PTPRR: variants seen among roughly 807,000 people sequenced by gnomAD.
The protein encoded by PTPRR is receptor-type tyrosine-protein phosphatase R.
PTPRR carries 38 observed loss-of-function variants against 77.2 expected under a neutral mutation model. The observed-to-expected ratio is 0.49, with a 90% confidence interval of 0.38 to 0.65. The LOEUF (loss-of-function observed/expected upper bound fraction) is 0.65. PTPRR is among the 30% of genes least tolerant of loss of function. The pLI, the probability that PTPRR is intolerant of heterozygous loss-of-function variation, is 0.00. For synonymous variants in PTPRR, 299 were observed against 283.1 expected, an observed-to-expected ratio of 1.06 and a Z score of -0.57; for missense variants, 744 against 799.2, an observed-to-expected ratio of 0.93 and a Z score of 0.83.
intron 2 of PTPRR, among the ~76,000 whole-genome samples, chr12:70,872,124 GT>G (rs910481857): frequency 6.0e-5 from 9 of 151,106 alleles, no homozygotes; most frequent in South Asian, 2.1e-4. Flanking sequence ...GCCACATTTA[GT>G]TTTTTTTTCT....
At chr12:70,769,534 T>C (rs1018474935) in intron 2 of PTPRR, among the ~76,000 whole-genome samples, 9 of 152,136 alleles carry the variant, frequency 5.9e-5, no homozygotes, top group Non-Finnish European at 8.8e-5. Flanking sequence ...TGGAAGAACA[T>C]TCCATGCTCA....
rs1318367624 is a variant in PTPRR at position 70,745,800 on chromosome 12, T to C, written c.1007+18A>G. ...TTTATAAAAAGCCACACGTAGGGTA[T>C]ACAGAACAAGCTCTTACCTCTCTTG... On this transcript the variant is annotated intron_variant, in intron 6 of 13. Coordinates refer to ENST00000283228, the MANE Select transcript of PTPRR (RefSeq NM_002849.4). The C allele has an allele frequency of 1.2e-6, 2 of 1,612,128 alleles. No homozygotes were observed. The highest frequency in any genetic ancestry group is 1.1e-5 in the South Asian group (1 of 90,856).
Position 70,638,522 on chromosome 12 carries a change from A to G in PTPRR, c.*662T>C, listed in dbSNP as rs948959029. The G allele has an allele frequency of 2.0e-5, 3 of 152,662 alleles. No homozygotes were observed. Among genetic ancestry groups the G allele is most frequent in the African/African-American group, 7.2e-5 (3 of 41,462 alleles). The allele number at this position is 152,662 out of a possible 1,614,324, so 9.5% of individuals were successfully genotyped here. On this transcript the variant is annotated 3_prime_UTR_variant, in exon 14 of 14. Transcript: ENST00000283228. ...TAGAGAGTAAATACATATATACCCA[A>G]TGACAATCATTGTGCTCTGTAATTG...
In PTPRR at chr12:70,894,776, C is replaced by T. The variant is rs558862901; in HGVS notation, c.59-1799G>A. The stretch of plus-strand genomic sequence containing the variant: ...TTAATGAGAGTTTCATTTCCAAATC[C>T]GAGGAACTCATTTAATATGGAGAAA... On this transcript the variant is annotated intron_variant, in intron 1 of 13. Transcript: ENST00000283228. Among the ~76,000 whole-genome samples, 7 of 151,628 alleles carry T rather than the reference C, an allele frequency of 4.6e-5. No individual in the cohort carries two copies. The East Asian group carries it at 9.7e-4, about 21-fold the overall frequency.
chr12:70,675,788 T>C (rs74101543), intron 10 of PTPRR, among the ~76,000 whole-genome samples: 1,782 of 152,040 alleles, frequency 0.012, 37 homozygotes, highest in African/African-American at 0.04. Context: ...CCCTGTAGGA[T>C]AGATTTGTTG....
intron 4 of PTPRR, among the ~76,000 whole-genome samples, chr12:70,761,242 G>T (rs554554189): frequency 6.6e-6 from 1 of 152,244 alleles, no homozygotes; most frequent in African/African-American, 2.4e-5. Context: ...GGCCACAAAG[G>T]TTTGAAGAAG....
chr12:70,769,124 A>G (rs969201168), intron 2 of PTPRR, among the ~76,000 whole-genome samples: 2 of 136,632 alleles, frequency 1.5e-5, no homozygotes, highest in Non-Finnish European at 3.1e-5. Flanking sequence ...CTCTCTCACC[A>G]CTCCTATTCA....
At chr12:70,779,166 C>CTTTT (rs71899092) in intron 2 of PTPRR, among the ~76,000 whole-genome samples, 3 of 143,452 alleles carry the variant, frequency 2.1e-5, no homozygotes, top group Non-Finnish European at 4.6e-5. Flanking sequence ...ATTTTTAAAT[C>CTTTT]TTTTTTTTTT....
chr12:70,760,353 A>G (rs892871788), intron 4 of PTPRR, among the ~76,000 whole-genome samples: 1 of 152,180 alleles, frequency 6.6e-6, no homozygotes, highest in Non-Finnish European at 1.5e-5. Context: ...GGTGCAAGTG[A>G]TCCTGCTGCC....
intron 10 of PTPRR, chr12:70,672,660 C>T: frequency 6.5e-7 from 1 of 1,545,414 alleles, no homozygotes. Flanking sequence ...AGAGCAACAA[C>T]ACCAACCAGA....
intron 6 of PTPRR, among the ~76,000 whole-genome samples, chr12:70,702,380 A>T (rs1888459534): frequency 6.6e-6 from 1 of 152,102 alleles, no homozygotes; most frequent in Non-Finnish European, 1.5e-5. Context: ...CAGATCAAAT[A>T]TAGTGCCAAG....
rs184228754 is a variant in PTPRR at position 70,716,530 on chromosome 12, A to C, written c.1008-15207T>G. Among the ~76,000 whole-genome samples the C allele has an allele frequency of 3.9e-5, 6 of 152,264 alleles. No individual in the cohort carries two copies. In the East Asian group the frequency reaches 1.2e-3, roughly 29 times the overall value. On this transcript the variant is annotated intron_variant, in intron 6 of 13. Transcript: ENST00000283228. The stretch of plus-strand genomic sequence containing the variant: ...TGGATCATTTTACACATTTCTTGGG[A>C]TGCACATGCCCCACTTTGAGACCAC...
At chr12:70,896,143 C>T (rs1386173170) in intron 1 of PTPRR, among the ~76,000 whole-genome samples, 2 of 151,436 alleles carry the variant, frequency 1.3e-5, no homozygotes, top group Non-Finnish European at 3.0e-5. Flanking sequence ...AGGGACATTA[C>T]ATAATGATGG....
chr12:70,642,492 GA>G (rs887733006), intron 13 of PTPRR, among the ~76,000 whole-genome samples: 1 of 152,054 alleles, frequency 6.6e-6, no homozygotes, highest in African/African-American at 2.4e-5. Context: ...TTAAAAAATA[GA>G]AAAAGAGACA....
chr12:70,783,247 G>T lies in PTPRR; in HGVS notation c.358-18469C>A, dbSNP rs368571233. ...GTTGATAGCTCTTCTCTGTAGGCTGGTCATCTGTGGAGTGTTCAGCTCTCA... is the reference window on the plus strand; with the variant it reads ...GTTGATAGCTCTTCTCTGTAGGCTGTTCATCTGTGGAGTGTTCAGCTCTCA... On this transcript the variant is annotated intron_variant, in intron 2 of 13. Transcript: ENST00000283228. Among the ~76,000 whole-genome samples the T allele has an allele frequency of 1.9e-3, 296 of 152,246 alleles. 1 individual carries two copies. The highest frequency in any genetic ancestry group is 6.5e-3 in the African/African-American group (271 of 41,560).
chr12:70,760,649 A>G (rs1293565012), intron 4 of PTPRR, among the ~76,000 whole-genome samples: 1 of 151,980 alleles, frequency 6.6e-6, no homozygotes, highest in Non-Finnish European at 1.5e-5. Flanking sequence ...AAAAAAAGAC[A>G]CCTAGATCTT....
intron 6 of PTPRR, among the ~76,000 whole-genome samples, chr12:70,736,503 C>T (rs779316676): frequency 2.0e-5 from 3 of 152,206 alleles, no homozygotes; most frequent in South Asian, 2.1e-4. Flanking sequence ...TGCTTGGGTT[C>T]GCATTCTATT....
chr12:70,759,163 T>C (rs960788628), intron 4 of PTPRR, among the ~76,000 whole-genome samples: 2 of 152,200 alleles, frequency 1.3e-5, no homozygotes, highest in African/African-American at 4.8e-5. Flanking sequence ...CTCAAACTCC[T>C]GGCCTCAACC....
chr12:70,830,279 C>T (rs999731513), intron 2 of PTPRR, among the ~76,000 whole-genome samples: 1 of 152,126 alleles, frequency 6.6e-6, no homozygotes, highest in East Asian at 1.9e-4. Flanking sequence ...GTCTTAGTAG[C>T]CTTTACAATA....
Sources: allele counts gnomAD v4.1 joint callset (sites outside exome capture counted in the v4.1 genomes callset), GRCh38; gene constraint gnomAD v4.1.1; transcripts MANE v1.5; gene names NCBI Gene and HGNC (gene_info 2026-07-23, HGNC 2026-07-21).